Variants in FAM229B observed in about 807,000 individuals in gnomAD.
FAM229B encodes the protein family with sequence similarity 229 member B.
In FAM229B, 2 loss-of-function variants were observed where a neutral mutation model predicts 6.7. That is an observed-to-expected ratio of 0.30 (90% CI 0.12 to 0.94). The LOEUF is 0.94. Ranked by LOEUF, FAM229B falls within the 40% of genes least tolerant of loss-of-function variation. FAM229B has a pLI of 0.54. For missense variants in FAM229B, 93 were observed against 96.2 expected, an observed-to-expected ratio of 0.97 and a Z score of 0.14; for synonymous variants, 29 against 34.0, an observed-to-expected ratio of 0.85 and a Z score of 0.51.
intron 1 of FAM229B, among the ~76,000 whole-genome samples, chr6:112,096,554 T>C (rs1414526703): frequency 6.6e-6 from 1 of 152,042 alleles, no homozygotes; most frequent in African/African-American, 2.4e-5. Context: ...AGACTCTGTC[T>C]CAACAACAAC....
intron 2 of FAM229B, 77 bp from the exon 3 acceptor site, chr6:112,099,193 T>C: frequency 7.7e-7 from 1 of 1,301,232 alleles, no homozygotes; most frequent in Non-Finnish European, 1.1e-6. Context: ...ATGCAAGTCT[T>C]TGAAGACAAT....
chr6:112,096,358 C>T (rs1263339793), intron 1 of FAM229B, among the ~76,000 whole-genome samples: 2 of 152,114 alleles, frequency 1.3e-5, no homozygotes, highest in Admixed American at 6.6e-5. Flanking sequence ...AGATCGAGAC[C>T]ATCCTGGCTA....
chr6:112,099,240 G>A (rs782594531), intron 2 of FAM229B, 30 bp from the exon 3 acceptor site: 8 of 1,584,638 alleles, frequency 5.0e-6, no homozygotes, highest in Non-Finnish European at 6.9e-6. Context: ...TTCTAATCTA[G>A]GTTTTCAATA....
chr6:112,099,369 C>T lies in FAM229B; in HGVS notation c.86C>T (p.Ser29Phe). Reference sequence around the variant, plus strand: ...ATTGAGCTGGAACCTGGGCTGAGCTCCAGTGCTGCCTGTAATGGGAAGGAG... The same window carrying T: ...ATTGAGCTGGAACCTGGGCTGAGCTTCAGTGCTGCCTGTAATGGGAAGGAG... ...SSIELEPGLS[S>F]SAACNGKEMS... Residue 29 changes from serine (S) to phenylalanine (F), a missense_variant, in exon 3 of 4, where the codon TCC (serine) becomes TTC (phenylalanine). By Grantham distance (155) the Ser-to-Phe change is radical. Coordinates refer to ENST00000368656, the MANE Select transcript of FAM229B (RefSeq NM_001033564.3). 1 of 1,613,862 alleles carries T rather than the reference C, an allele frequency of 6.2e-7. No individual in the cohort carries two copies. Among genetic ancestry groups the T allele is most frequent in the South Asian group, 1.1e-5 (1 of 91,044 alleles).
intron 1 of FAM229B, among the ~76,000 whole-genome samples, chr6:112,095,231 G>T (rs1407782478): frequency 3.9e-5 from 6 of 152,150 alleles, no homozygotes; most frequent in Admixed American, 3.9e-4. Context: ...ATACATGTTA[G>T]ATTGTTTTTA....
intron 3 of FAM229B, among the ~76,000 whole-genome samples, chr6:112,099,715 G>A (rs1333788783): frequency 6.6e-6 from 1 of 152,136 alleles, no homozygotes; most frequent in African/African-American, 2.4e-5. Flanking sequence ...ATAGCTTCAC[G>A]ATTAGATAAC....
At chr6:112,091,266 A>C (rs782070050) in intron 1 of FAM229B, among the ~76,000 whole-genome samples, 4 of 152,130 alleles carry the variant, frequency 2.6e-5, no homozygotes, top group Non-Finnish European at 5.9e-5. Context: ...GTTAGAGAGT[A>C]TGCAAAAACA....
Position 112,101,461 on chromosome 6 carries a change from A to C in FAM229B, c.*674A>C, listed in dbSNP as rs2010314. 45,383 of 152,086 alleles carry C rather than the reference A, an allele frequency of 0.3. 7,145 individuals carry two copies. Among genetic ancestry groups the C allele is most frequent in the African/African-American group, 0.41 (16,980 of 41,450 alleles). 9.4% of individuals were successfully genotyped at this position (152,086 alleles called of 1,614,324 possible). ...ATGACGTCTGGTTATCACTTTGTAC[A>C]CGAAGTGCTAACCAGGTATCTTGAT... On this transcript the variant is annotated 3_prime_UTR_variant, in exon 4 of 4. Transcript: ENST00000368656.
At chr6:112,093,306 G>A (rs1246349466) in intron 1 of FAM229B, among the ~76,000 whole-genome samples, 3 of 152,010 alleles carry the variant, frequency 2.0e-5, no homozygotes, top group Non-Finnish European at 4.4e-5. Context: ...TGATAAAGGT[G>A]TCATTTCATC....
chr6:112,099,453 T>G, intron 3 of FAM229B, 45 bp downstream of exon 3: 3 of 1,550,746 alleles, frequency 1.9e-6, no homozygotes, highest in Non-Finnish European at 2.6e-6. Context: ...GTATTGGCTA[T>G]CATCAATACA....
intron 2 of FAM229B, among the ~76,000 whole-genome samples, chr6:112,097,972 C>G (rs1554318840): frequency 6.6e-6 from 1 of 152,168 alleles, no homozygotes; most frequent in East Asian, 1.9e-4. Flanking sequence ...TTGACAATGT[C>G]TATAGACATT....
intron 1 of FAM229B, among the ~76,000 whole-genome samples, chr6:112,094,854 A>G (rs1480440776): frequency 1.3e-5 from 2 of 152,172 alleles, no homozygotes; most frequent in African/African-American, 2.4e-5. Context: ...GTATTTGGAT[A>G]CTTCATCTTT....
chr6:112,099,196 A>C (rs1777363124), intron 2 of FAM229B, 74 bp from the exon 3 acceptor site: 28 of 1,321,136 alleles, frequency 2.1e-5, no homozygotes, highest in Non-Finnish European at 2.9e-5. Flanking sequence ...CAAGTCTTTG[A>C]AGACAATCTA....
intron 1 of FAM229B, among the ~76,000 whole-genome samples, chr6:112,093,849 A>G (rs1358631150): frequency 6.6e-6 from 1 of 152,156 alleles, no homozygotes; most frequent in Non-Finnish European, 1.5e-5. Context: ...TAAATTTAAA[A>G]GGATTCAAGT....
At chr6:112,090,636 A>G (rs1554318094) in intron 1 of FAM229B, among the ~76,000 whole-genome samples, 1 of 151,986 alleles carries the variant, frequency 6.6e-6, no homozygotes, top group Non-Finnish European at 1.5e-5. Flanking sequence ...ATGTCCATTG[A>G]GGGGTGTCTG....
intron 1 of FAM229B, among the ~76,000 whole-genome samples, chr6:112,095,504 C>T (rs1175759310): frequency 1.3e-5 from 2 of 151,520 alleles, no homozygotes; most frequent in African/African-American, 4.9e-5. Flanking sequence ...TAGTGGTGTG[C>T]ACCTGTAGTC....
chr6:112,098,945 T>TA (rs1410512793), intron 2 of FAM229B, among the ~76,000 whole-genome samples: 3 of 152,322 alleles, frequency 2.0e-5, no homozygotes, highest in African/African-American at 7.2e-5. Flanking sequence ...TTTAGCTATT[T>TA]AAAAATAGAA....
intron 1 of FAM229B, among the ~76,000 whole-genome samples, chr6:112,089,193 A>G (rs1188000383): frequency 1.3e-5 from 2 of 152,188 alleles, no homozygotes; most frequent in South Asian, 4.1e-4. Context: ...TACAGAGCAA[A>G]TAGAGTGAAC....
intron 3 of FAM229B, among the ~76,000 whole-genome samples, chr6:112,100,081 C>T (rs587710940): frequency 1.3e-5 from 2 of 152,246 alleles, no homozygotes; most frequent in South Asian, 4.1e-4. Flanking sequence ...AAATGGGCTG[C>T]TTTGGGAAGT....
Sources: gnomAD v4.1 joint callset for allele counts (sites outside exome capture counted in the v4.1 genomes callset) on GRCh38, gnomAD v4.1.1 for gene constraint, MANE v1.5 for transcripts, NCBI Gene and HGNC (gene_info 2026-07-23, HGNC 2026-07-21) for gene names.